RNF6: variants seen among roughly 807,000 people sequenced by gnomAD.
RNF6 encodes the protein ring finger protein 6, also known as E3 ubiquitin-protein ligase RNF6.
In RNF6, 21 loss-of-function variants were observed where a neutral mutation model predicts 50.1. The ratio of observed to expected loss-of-function variants is 0.42; its 90% CI spans 0.30 to 0.60. The LOEUF (loss-of-function observed/expected upper bound fraction) is 0.60. Among genes scored for constraint, RNF6 ranks in the 20% least tolerant of loss-of-function variants. RNF6 has a pLI of 0.20. For missense variants in RNF6, 698 were observed against 838.2 expected, an observed-to-expected ratio of 0.83 and a Z score of 2.07; for synonymous variants, 255 against 291.8, an observed-to-expected ratio of 0.87 and a Z score of 1.29.
At chr13:26,154,700 CTT>C (rs1228852381) in intron 5 of RNF6, among the ~76,000 whole-genome samples, 1 of 152,142 alleles carries the variant, frequency 6.6e-6, no homozygotes, top group Non-Finnish European at 1.5e-5. Flanking sequence ...ATAAGCAAGA[CTT>C]ATTCCACATT....
intron 5 of RNF6, among the ~76,000 whole-genome samples, chr13:26,147,921 T>C (rs1030955246): frequency 2.0e-5 from 3 of 152,194 alleles, no homozygotes; most frequent in Non-Finnish European, 2.9e-5. Flanking sequence ...GTCAACCTCA[T>C]TACACTCATC....
chr13:26,140,661 G>A (rs1870889446), intron 5 of RNF6, among the ~76,000 whole-genome samples: 1 of 152,050 alleles, frequency 6.6e-6, no homozygotes, highest in African/African-American at 2.4e-5. Context: ...AGAAATAAAA[G>A]GCATACAAAT....
At chr13:26,209,697 T>C (rs142935439), downstream of RNF6, among the ~76,000 whole-genome samples, 514 of 152,280 alleles carry the variant, frequency 3.4e-3, 6 homozygotes, top group African/African-American at 0.012. Flanking sequence ...ACATTTGGAA[T>C]TGCACAGCAC....
chr13:26,145,445 T>TG lies in RNF6; in HGVS notation n.769-12995dup, dbSNP rs71188712. ...GGCCTAGTAGGAGGTGACTGAATCA[T>TG]GGGGAGGGGGGGGGACTTCCCCCTT... On this transcript the variant is annotated intron_variant and non_coding_transcript_variant, in intron 5 of 5. Transcript: ENST00000468480. 8.0e-3 allele frequency among the ~76,000 whole-genome samples: 373 copies of TG among 46,666 alleles called. 7 individuals carry two copies. Among genetic ancestry groups the TG allele is most frequent in the African/African-American group, 0.035 (337 of 9,690 alleles). The allele number at this position is 46,666 out of a possible 152,430, so 30.6% of individuals were successfully genotyped here.
At chr13:26,184,729 G>A (rs1390118299) in intron 5 of RNF6, among the ~76,000 whole-genome samples, 1 of 152,120 alleles carries the variant, frequency 6.6e-6, no homozygotes, top group Non-Finnish European at 1.5e-5. Context: ...TTTTAAAGCT[G>A]TTCTGGCTTA....
rs563073480 is a variant in RNF6 at position 26,174,127 on chromosome 13, T to C, written n.768+41347A>G. 9.9e-5 allele frequency among the ~76,000 whole-genome samples: 15 copies of C among 152,254 alleles called. No individual in the cohort carries two copies. The South Asian group carries it at 2.7e-3, about 27-fold the overall frequency. ...ACAGTCCCAACTGCTAGAACACTTT[T>C]AAGCAGCAGGTAAATTACATATGAA... On this transcript the variant is annotated intron_variant and non_coding_transcript_variant, in intron 5 of 5. Coordinates refer to the RNF6 transcript ENST00000468480.
rs1408007921 is a variant in RNF6, at chr13:26,221,287, TATCCA to T, written c.-63_-59del. 2 of 152,230 alleles carry T rather than the reference TATCCA, an allele frequency of 1.3e-5. No individual in the cohort carries two copies. Among genetic ancestry groups the T allele is most frequent in the Non-Finnish European group, 2.9e-5 (2 of 68,044 alleles). The allele number at this position is 152,230 out of a possible 1,614,324, so 9.4% of individuals were successfully genotyped here. A position where few individuals can be genotyped will look rare whatever the true frequency, so the allele number is the denominator to read the frequency against. ...AACACGCTTTTAACATATGCCATGG[TATCCA>T]TCCTTCAATTGTTTGTGCCTTTTTT... On this transcript the variant is annotated 5_prime_UTR_variant, in exon 2 of 5. The change abolishes an upstream ATG in the 5' untranslated region. Transcript: ENST00000381588.
chr13:26,206,311 G>T (rs545777148), intron 5 of RNF6, among the ~76,000 whole-genome samples: 1 of 152,274 alleles, frequency 6.6e-6, no homozygotes, highest in South Asian at 2.1e-4. Context: ...CTGCCTGGCA[G>T]GGTGGCACGA....
chr13:26,200,432 G>A lies in RNF6; in HGVS notation n.768+15042C>T, dbSNP rs555483631. Among the ~76,000 whole-genome samples the A allele has an allele frequency of 6.1e-3, 820 of 134,356 alleles. 14 individuals are homozygous for A. Among genetic ancestry groups the A allele is most frequent in the African/African-American group, 0.022 (775 of 35,820 alleles). 88.1% of individuals were successfully genotyped at this position (134,356 alleles called of 152,430 possible). A position where few individuals can be genotyped will look rare whatever the true frequency, so the allele number is the denominator to read the frequency against. ...TTTTTTTTTTTTTTTTTTTTGAGGC[G>A]GAGTTTTGCTCTTGTTGTCCAGTCT... is the stretch of plus-strand genomic sequence containing the variant. On this transcript the variant is annotated intron_variant and non_coding_transcript_variant, in intron 5 of 5. Coordinates refer to the RNF6 transcript ENST00000468480.
At chr13:26,142,335 A>G (rs1871001605) in intron 5 of RNF6, 1 of 152,178 alleles carries the variant, frequency 6.6e-6, no homozygotes, top group African/African-American at 2.4e-5. Flanking sequence ...TTTATCAAAG[A>G]ACTAAAAATA....
At chr13:26,146,036 A>G (rs1421819891) in intron 5 of RNF6, among the ~76,000 whole-genome samples, 1 of 152,224 alleles carries the variant, frequency 6.6e-6, no homozygotes, top group African/African-American at 2.4e-5. Context: ...TAACTGGTAG[A>G]CCACAGTGAC....
chr13:26,157,277 T>A (rs923829976), intron 5 of RNF6, among the ~76,000 whole-genome samples: 2 of 152,072 alleles, frequency 1.3e-5, no homozygotes, highest in East Asian at 1.9e-4. Context: ...ATTTTAAAAA[T>A]TTTAAAAAAT....
chr13:26,134,162 G>A (rs931978022), intron 5 of RNF6, among the ~76,000 whole-genome samples: 1 of 152,154 alleles, frequency 6.6e-6, no homozygotes, highest in Non-Finnish European at 1.5e-5. Flanking sequence ...ATACTTTCCT[G>A]GCATGAAGGA....
chr13:26,204,031 C>T (rs1223691049), intron 5 of RNF6, among the ~76,000 whole-genome samples: 1 of 152,140 alleles, frequency 6.6e-6, no homozygotes, highest in East Asian at 1.9e-4. Flanking sequence ...TCCCTTTCTT[C>T]TCTGGAAGGT....
rs762471318 is a variant in RNF6 at position 26,215,299 on chromosome 13, T to C, written c.583A>G (p.Arg195Gly). The C allele has an allele frequency of 1.9e-6, 3 of 1,614,120 alleles. No homozygotes were observed. The African/African-American group carries it at 4.0e-5, about 22-fold the overall frequency. ...ACTGAGGTTTGGCTTCTTGTTCGCCTAGCCACAGGACTAGTTGACCTTTGT... is the reference window on the plus strand; with the variant it reads ...ACTGAGGTTTGGCTTCTTGTTCGCCCAGCCACAGGACTAGTTGACCTTTGT... ...RQQRSTSPVARRTRSQTSVNF... is the reference protein window; with the variant it reads ...RQQRSTSPVAGRTRSQTSVNF... Residue 195 changes from arginine to glycine, a missense_variant, in exon 5 of 5, where the codon AGG becomes GGG. Arg to Gly is a moderately radical substitution (Grantham distance 125, BLOSUM62 -2). Transcript: ENST00000381588.
At chr13:26,219,991 C>G (rs181891839) in intron 2 of RNF6, among the ~76,000 whole-genome samples, 1 of 152,142 alleles carries the variant, frequency 6.6e-6, no homozygotes, top group African/African-American at 2.4e-5. Flanking sequence ...TCCAGAAGTC[C>G]TCATTTATGT....
intron 5 of RNF6, among the ~76,000 whole-genome samples, chr13:26,136,820 A>G (rs578207826): frequency 9.2e-5 from 14 of 152,166 alleles, no homozygotes; most frequent in Admixed American, 2.6e-4. Flanking sequence ...TCTATAAAAA[A>G]CACAATGAGA....
intron 5 of RNF6, among the ~76,000 whole-genome samples, chr13:26,180,002 G>A (rs528799926): frequency 9.2e-5 from 14 of 152,200 alleles, no homozygotes; most frequent in African/African-American, 3.1e-4. Context: ...CTGCTTCTGG[G>A]CCTCTTCCGC....
At chr13:26,165,755 C>T (rs1426009029) in intron 5 of RNF6, among the ~76,000 whole-genome samples, 1 of 152,166 alleles carries the variant, frequency 6.6e-6, no homozygotes, top group Admixed American at 6.5e-5. Context: ...CCTATTTCTC[C>T]CATTTGGAAT....
Sources: gnomAD v4.1 joint callset for allele counts (sites outside exome capture counted in the v4.1 genomes callset) on GRCh38, gnomAD v4.1.1 for gene constraint, MANE v1.5 for transcripts, NCBI Gene and HGNC (gene_info 2026-07-23, HGNC 2026-07-21) for gene names.